Variants in SIRPG observed in about 807,000 individuals in gnomAD.
The protein encoded by SIRPG is signal regulatory protein gamma.
Under a neutral mutation model 35.7 loss-of-function variants are expected in SIRPG, and 38 were observed. The observed-to-expected ratio is 1.06, with a 90% CI of 0.82 to 1.40. SIRPG has a LOEUF of 1.40. Ranked by LOEUF, SIRPG falls within the 40% of genes most tolerant of loss-of-function variation. The pLI, the probability that SIRPG is intolerant of heterozygous loss-of-function variation, is 0.00. For missense variants in SIRPG, 519 were observed against 483.0 expected, an observed-to-expected ratio of 1.07 and a Z score of -0.70; for synonymous variants, 215 against 190.4, an observed-to-expected ratio of 1.13 and a Z score of -1.06.
intron 1 of SIRPG, among the ~76,000 whole-genome samples, chr20:1,655,714 A>G (rs535347534): frequency 6.6e-6 from 1 of 152,194 alleles, no homozygotes; most frequent in East Asian, 1.9e-4. Flanking sequence ...AAGGTAATGC[A>G]TATGTTTATT....
chr20:1,632,110 G>A (rs1055242979), intron 4 of SIRPG, among the ~76,000 whole-genome samples: 8 of 152,102 alleles, frequency 5.3e-5, no homozygotes, highest in African/African-American at 1.9e-4. Flanking sequence ...GGGAAGTTGT[G>A]GGACCCTGAG....
At chr20:1,634,307 C>T (rs1436717925) in intron 4 of SIRPG, among the ~76,000 whole-genome samples, 2 of 150,566 alleles carry the variant, frequency 1.3e-5, no homozygotes, top group Non-Finnish European at 2.9e-5. Context: ...CCTGGGTTCA[C>T]ACCATTCTCC....
chr20:1,650,312 T>C (rs921641834), intron 1 of SIRPG, among the ~76,000 whole-genome samples: 1 of 151,848 alleles, frequency 6.6e-6, no homozygotes, highest in Non-Finnish European at 1.5e-5. Context: ...ACCACTGTCT[T>C]AAAAATGCTC....
At chr20:1,637,815 T>C (rs368459418) in intron 2 of SIRPG, 39 of 152,252 alleles carry the variant, frequency 2.6e-4, no homozygotes, top group African/African-American at 8.4e-4. Flanking sequence ...CAGAAATCTA[T>C]CCTGGGTCCT....
chr20:1,647,527 C>G (rs1038017222), intron 2 of SIRPG: 2 of 152,196 alleles, frequency 1.3e-5, no homozygotes, highest in Non-Finnish European at 2.9e-5. Context: ...AAAATACACA[C>G]ACCCTCTGAC....
At chr20:1,678,442 A>G in the SIRPG span, among the ~76,000 whole-genome samples, 1 of 152,184 alleles carries the variant, frequency 6.6e-6, no homozygotes, top group East Asian at 1.9e-4. Context: ...TACAACTAAA[A>G]GTTCATTAAA....
chr20:1,685,149 C>T, the SIRPG span, among the ~76,000 whole-genome samples: 1 of 152,138 alleles, frequency 6.6e-6, no homozygotes, highest in Non-Finnish European at 1.5e-5. Flanking sequence ...GAGCAGGGCT[C>T]TCCCAGGCTG....
upstream of SIRPG, among the ~76,000 whole-genome samples, chr20:1,659,321 T>A (rs1481948809): frequency 6.6e-6 from 1 of 152,248 alleles, no homozygotes; most frequent in Non-Finnish European, 1.5e-5. Flanking sequence ...ATTGTAAATG[T>A]TATCATGTTT....
upstream of SIRPG, among the ~76,000 whole-genome samples, chr20:1,658,251 A>G (rs1453452746): frequency 6.6e-6 from 1 of 152,166 alleles, no homozygotes; most frequent in Non-Finnish European, 1.5e-5. Flanking sequence ...AAATTGCTAT[A>G]ATTGGCAACA....
At chr20:1,633,385 AT>A (rs1490106767) in intron 4 of SIRPG, 1 of 152,256 alleles carries the variant, frequency 6.6e-6, no homozygotes, top group Non-Finnish European at 1.5e-5. Context: ...GAAAATTTGA[AT>A]GTATACTCCA....
intron 1 of SIRPG, among the ~76,000 whole-genome samples, chr20:1,653,389 C>T (rs2091954535): frequency 6.6e-6 from 1 of 152,178 alleles, no homozygotes; most frequent in African/African-American, 2.4e-5. Context: ...GTGTCTGCCA[C>T]ATGGTGAACG....
In SIRPG at chr20:1,635,259, A is replaced by C; in HGVS notation, c.1081+8T>G. The C allele has an allele frequency of 6.4e-7, 1 of 1,570,900 alleles. No individual in the cohort carries two copies. Among genetic ancestry groups the C allele is most frequent in the Non-Finnish European group, 8.6e-7 (1 of 1,158,414 alleles). ...AAGACAAAATTTAAAAATTTTGAGT[A>C]ACCTCACCAGGGGTAGCATCTGAGC... On this transcript the variant is annotated splice_region_variant and intron_variant, in intron 4 of 5. Transcript: ENST00000303415.
Position 1,636,223 on chromosome 20 carries a change from A to T in SIRPG, c.713T>A (p.Leu238His), listed in dbSNP as rs776862353. ...VAHVTLQGDP[L>H]RGTANLSEAI... ...CTCAGACAAGTTGGCAGTCCCACGA[A>T]GAGGGTCCCCCTGCAAGGTGACATG... The change falls in exon 3 of 6, where the codon CTT becomes CAT. Residue 238 changes from leucine to histidine, a missense_variant. Leu to His is a moderately conservative substitution (Grantham distance 99). Coordinates refer to ENST00000303415, the MANE Select transcript of SIRPG (RefSeq NM_018556.4). 1 of 1,614,170 alleles carries T rather than the reference A, an allele frequency of 6.2e-7. No individual in the cohort carries two copies.
Position 1,641,060 on chromosome 20 carries a change from C to T in SIRPG, c.431-4555G>A, listed in dbSNP as rs2091848208. 2.0e-5 allele frequency among the ~76,000 whole-genome samples: 3 copies of T among 152,212 alleles called. No individual in the cohort carries two copies. In the South Asian group the frequency reaches 6.2e-4, roughly 32 times the overall value. On this transcript the variant is annotated intron_variant, in intron 2 of 5. Coordinates refer to ENST00000303415, the MANE Select transcript of SIRPG (RefSeq NM_018556.4). ...TTTGATGTTTATCAGGGATACTGGC[C>T]TGATGTTTTCTTTTTTTGTTCTGTC...
the SIRPG span, among the ~76,000 whole-genome samples, chr20:1,680,119 G>A: frequency 2.3e-4 from 35 of 152,198 alleles, no homozygotes; most frequent in South Asian, 1.7e-3. Context: ...ACACATCATC[G>A]AAAACAATAC....
chr20:1,655,356 GGAAACC>G (rs1040530694), intron 1 of SIRPG, among the ~76,000 whole-genome samples: 37 of 152,116 alleles, frequency 2.4e-4, no homozygotes, highest in African/African-American at 8.4e-4. Flanking sequence ...TTACAAAAAG[GGAAACC>G]CTGTCATTTG....
At chr20:1,679,435 G>A in the SIRPG span, among the ~76,000 whole-genome samples, 2 of 152,058 alleles carry the variant, frequency 1.3e-5, no homozygotes, top group African/African-American at 2.4e-5. Context: ...TAGAGTAGTG[G>A]CATTAAAACA....
At position 1,649,259 on chromosome 20, in the gene SIRPG, C is replaced by G. The variant is rs774712730; in HGVS notation, c.223G>C (p.Glu75Gln). 1 of 1,614,090 alleles carries G rather than the reference C, an allele frequency of 6.2e-7. No homozygotes were observed. The highest frequency in any genetic ancestry group is 8.5e-7 in the Non-Finnish European group (1 of 1,180,022). The change falls in exon 2 of 6, where the codon GAA (glutamate) becomes CAA (glutamine). Residue 75 changes from glutamate (E) to glutamine (Q), a missense_variant. Glu to Gln is a conservative substitution (Grantham distance 29). Transcript: ENST00000303415. ...LWFRGVGPGR[E>Q]LIYNQKEGHF... ...CCTTCTTTTTGATTGTAGATTAATT[C>G]CCGGCCTGGTCCAACTCCTCTGAAC...
In SIRPG at chr20:1,649,403, C is replaced by T. The variant is rs750234705; in HGVS notation, c.79G>A (p.Ala27Thr). Residue 27 changes from alanine to threonine, a missense_variant, in exon 2 of 6, where the codon GCA becomes ACA. By Grantham distance (58) the Ala-to-Thr change is moderately conservative. Coordinates refer to ENST00000303415, the MANE Select transcript of SIRPG (RefSeq NM_018556.4). ...ATCATCTGTAGCTCCTCCTCACCTGCCACTTCTGAAAAGGAGCACAAAGCA... is the reference window on the plus strand; with the variant it reads ...ATCATCTGTAGCTCCTCCTCACCTGTCACTTCTGAAAAGGAGCACAAAGCA... ...LTLLLGLTEV[A>T]GEEELQMIQP... The T allele has an allele frequency of 1.6e-4, 260 of 1,600,468 alleles. 2 individuals are homozygous for T. In the South Asian group the frequency reaches 1.8e-3, roughly 11 times the overall value.
Sources: gnomAD v4.1 joint callset for allele counts (sites outside exome capture counted in the v4.1 genomes callset) on GRCh38, gnomAD v4.1.1 for gene constraint, MANE v1.5 for transcripts, NCBI Gene and HGNC (gene_info 2026-07-23, HGNC 2026-07-21) for gene names.